CAMK1D: variants seen among roughly 807,000 people sequenced by gnomAD.
CAMK1D encodes the protein calcium/calmodulin-dependent protein kinase type 1D.
Under a neutral mutation model 47.7 loss-of-function variants are expected in CAMK1D, and 9 were observed. That is an observed-to-expected ratio of 0.19 (90% CI 0.11 to 0.33). The LOEUF (loss-of-function observed/expected upper bound fraction) is 0.33. CAMK1D is among the 10% of genes least tolerant of loss of function. The pLI is 1.00. For synonymous variants in CAMK1D, 184 were observed against 184.9 expected, an observed-to-expected ratio of 0.99 and a Z score of 0.04; for missense variants, 291 against 488.7, an observed-to-expected ratio of 0.60 and a Z score of 3.81.
intron 1 of CAMK1D, among the ~76,000 whole-genome samples, chr10:12,492,074 C>A (rs144813738): frequency 6.6e-6 from 1 of 152,178 alleles, no homozygotes; most frequent in Non-Finnish European, 1.5e-5. Flanking sequence ...TGTGAGCCAT[C>A]GTGCCTGGCC....
chr10:12,769,538 A>C, intron 4 of CAMK1D, 135 bp from the exon 5 acceptor site: 1 of 873,780 alleles, frequency 1.1e-6, no homozygotes, highest in Non-Finnish European at 1.7e-6. Flanking sequence ...CCGCCGCTTT[A>C]GTTGATGCAT....
At chr10:12,445,243 G>A (rs1473742298) in intron 1 of CAMK1D, among the ~76,000 whole-genome samples, 1 of 152,206 alleles carries the variant, frequency 6.6e-6, no homozygotes, top group Admixed American at 6.5e-5. Flanking sequence ...CCCTGCACTA[G>A]TCTTTCAGGT....
intron 1 of CAMK1D, among the ~76,000 whole-genome samples, chr10:12,462,468 A>T (rs1468278752): frequency 1.4e-5 from 2 of 147,062 alleles, no homozygotes; most frequent in Middle Eastern, 3.4e-3. Flanking sequence ...CTGGCCAAGA[A>T]TTTTTTTTTT....
intron 2 of CAMK1D, among the ~76,000 whole-genome samples, chr10:12,598,231 C>CT (rs1248019613): frequency 6.6e-6 from 1 of 152,206 alleles, no homozygotes; most frequent in African/African-American, 2.4e-5. Flanking sequence ...TGTTCAATTG[C>CT]TTTTCTGTTA....
intron 10 of CAMK1D, among the ~76,000 whole-genome samples, chr10:12,826,789 C>G (rs1833223953): frequency 6.6e-6 from 1 of 152,248 alleles, no homozygotes; most frequent in East Asian, 1.9e-4. Flanking sequence ...ACCATAGCTC[C>G]CCTTTCACCC....
chr10:12,593,751 C>T (rs939788151), intron 2 of CAMK1D, among the ~76,000 whole-genome samples: 2 of 152,110 alleles, frequency 1.3e-5, no homozygotes, highest in African/African-American at 4.8e-5. Flanking sequence ...CTTTATCCTT[C>T]CTCCCCTCTC....
rs576373504 is a variant in CAMK1D at position 12,750,031 on chromosome 10, C to G, written c.300-10917C>G. Among the ~76,000 whole-genome samples the G allele has an allele frequency of 2.6e-5, 4 of 152,322 alleles. No individual in the cohort carries two copies. The South Asian group carries it at 8.3e-4, about 32-fold the overall frequency. On this transcript the variant is annotated intron_variant, in intron 3 of 10. Coordinates refer to ENST00000619168, the MANE Select transcript of CAMK1D (RefSeq NM_153498.4). Reference sequence around the variant, plus strand: ...TTACCTGGAACGTCTGGCAGCTGGTCTGTTTCCTCATCTTAATTCTAAAAG... The same window carrying G: ...TTACCTGGAACGTCTGGCAGCTGGTGTGTTTCCTCATCTTAATTCTAAAAG...
At chr10:12,783,085 T>G (rs1012362779) in intron 5 of CAMK1D, among the ~76,000 whole-genome samples, 4 of 149,814 alleles carry the variant, frequency 2.7e-5, no homozygotes, top group Admixed American at 6.7e-5. Context: ...CTCCACCTCC[T>G]CGGTCCAAGC....
chr10:12,589,373 G>T (rs911320386), intron 2 of CAMK1D, among the ~76,000 whole-genome samples: 5 of 152,194 alleles, frequency 3.3e-5, no homozygotes, highest in Middle Eastern at 3.2e-3. Flanking sequence ...ACCCAGAATG[G>T]TTTGGTGTCT....
chr10:12,532,636 G>T lies in CAMK1D; in HGVS notation c.93-20589G>T, dbSNP rs544460880. On this transcript the variant is annotated intron_variant, in intron 1 of 10. Transcript: ENST00000619168. ...AAATCAGTGTATCAAAGAGATATTT[G>T]CATTCCTGTGTTAGTTGCAGCACTG... Among the ~76,000 whole-genome samples the T allele has an allele frequency of 7.2e-5, 11 of 152,252 alleles. No individual in the cohort carries two copies. In the South Asian group the frequency reaches 2.3e-3, roughly 32 times the overall value.
intron 1 of CAMK1D, among the ~76,000 whole-genome samples, chr10:12,478,694 G>A (rs760546325): frequency 1.3e-5 from 2 of 151,838 alleles, no homozygotes; most frequent in Non-Finnish European, 2.9e-5. Flanking sequence ...TTGAAACTTG[G>A]ATCACAGGTA....
chr10:12,605,156 G>C (rs929522510), intron 2 of CAMK1D, among the ~76,000 whole-genome samples: 3 of 152,098 alleles, frequency 2.0e-5, no homozygotes, highest in African/African-American at 2.4e-5. Context: ...AAAGTGCTGG[G>C]ATTAGAGGCA....
chr10:12,522,195 TTTTTTC>T (rs1564388741), intron 1 of CAMK1D, among the ~76,000 whole-genome samples: 31,300 of 95,038 alleles, frequency 0.33, 3,290 homozygotes, highest in South Asian at 0.43. Flanking sequence ...TATTTCCTTT[TTTTTTC>T]TTTTTTTTTT....
At chr10:12,516,074 C>T (rs117174256) in intron 1 of CAMK1D, among the ~76,000 whole-genome samples, 3,073 of 152,162 alleles carry the variant, frequency 0.02, 39 homozygotes, top group Non-Finnish European at 0.029. Flanking sequence ...GTTTGTTTCA[C>T]CATTCTCAGT....
chr10:12,561,607 C>A (rs1015416447), intron 2 of CAMK1D, among the ~76,000 whole-genome samples: 10 of 152,182 alleles, frequency 6.6e-5, no homozygotes, highest in African/African-American at 2.4e-4. Context: ...GTAAACTCAG[C>A]TTTGTTTCTG....
intron 1 of CAMK1D, among the ~76,000 whole-genome samples, chr10:12,416,218 G>A (rs7091405): frequency 8.1e-4 from 123 of 152,006 alleles, no homozygotes; most frequent in Non-Finnish European, 1.1e-3. Flanking sequence ...AAAAAACAGC[G>A]TTAACTATAT....
chr10:12,629,458 G>T lies in CAMK1D; in HGVS notation c.225-37278G>T, dbSNP rs375479840. On this transcript the variant is annotated intron_variant, in intron 2 of 10. Transcript: ENST00000619168. ...CATCCGGTGAAGATGCAGAGCTAAA[G>T]GTGAGTCCTTTCTTCCAGATTCTTG... Among the ~76,000 whole-genome samples the T allele has an allele frequency of 3.6e-4, 55 of 152,296 alleles. No homozygotes were observed. The South Asian group carries it at 0.011, about 32-fold the overall frequency.
At chr10:12,532,373 G>A (rs138345621) in intron 1 of CAMK1D, among the ~76,000 whole-genome samples, 35,517 of 150,284 alleles carry the variant, frequency 0.24, 4,518 homozygotes, top group South Asian at 0.36. Context: ...TCCGCCTCCT[G>A]GGTTCACGCC....
chr10:12,367,577 G>A (rs1333152657), intron 1 of CAMK1D, among the ~76,000 whole-genome samples: 1 of 152,012 alleles, frequency 6.6e-6, no homozygotes, highest in Non-Finnish European at 1.5e-5. Flanking sequence ...CCCTGTGCTT[G>A]TTTTCCTGCA....
Sources: allele counts gnomAD v4.1 joint callset (sites outside exome capture counted in the v4.1 genomes callset), GRCh38; gene constraint gnomAD v4.1.1; transcripts MANE v1.5; gene names NCBI Gene and HGNC (gene_info 2026-07-23, HGNC 2026-07-21).